RNF38: variants seen among roughly 807,000 people sequenced by gnomAD.
RNF38 encodes the protein ring finger protein 38, also known as E3 ubiquitin-protein ligase RNF38.
In RNF38, 15 loss-of-function variants were observed where a neutral mutation model predicts 67.2. The observed-to-expected ratio is 0.22, with a 90% CI of 0.15 to 0.34. RNF38 has a LOEUF of 0.34. Among genes scored for constraint, RNF38 ranks in the 10% least tolerant of loss-of-function variants. The probability of loss-of-function intolerance (pLI) is 1.00; values close to 1 mark genes in which losing one functional copy is unlikely to be tolerated. For missense variants in RNF38, 524 were observed against 639.9 expected, an observed-to-expected ratio of 0.82 and a Z score of 1.95; for synonymous variants, 220 against 218.8, an observed-to-expected ratio of 1.01 and a Z score of -0.05.
chr9:36,471,250 T>C (rs981484167), intron 1 of RNF38, among the ~76,000 whole-genome samples: 6 of 152,214 alleles, frequency 3.9e-5, no homozygotes, highest in African/African-American at 1.2e-4. Context: ...TAAAGCAATC[T>C]TGGAATTAAA....
At chr9:36,374,190 A>G (rs1835606615) in intron 3 of RNF38, among the ~76,000 whole-genome samples, 1 of 152,224 alleles carries the variant, frequency 6.6e-6, no homozygotes, top group East Asian at 1.9e-4. Context: ...GGGTAATGTA[A>G]AAGTCTTAAT....
At chr9:36,349,451 C>T (rs1311862926) in intron 9 of RNF38, among the ~76,000 whole-genome samples, 1 of 152,172 alleles carries the variant, frequency 6.6e-6, no homozygotes, top group Non-Finnish European at 1.5e-5. Flanking sequence ...TCAGGTCCTC[C>T]ACCCATTTTT....
chr9:36,368,936 G>A (rs1228070875), intron 4 of RNF38, among the ~76,000 whole-genome samples: 1 of 151,112 alleles, frequency 6.6e-6, no homozygotes, highest in South Asian at 2.1e-4. Flanking sequence ...CCATAAAATT[G>A]TGGTCTTCAT....
intron 1 of RNF38, among the ~76,000 whole-genome samples, chr9:36,479,496 A>G (rs1029698829): frequency 6.6e-6 from 1 of 152,210 alleles, no homozygotes; most frequent in Non-Finnish European, 1.5e-5. Context: ...ATCTTGGCAG[A>G]TGGGCACAAT....
chr9:36,382,617 C>T (rs922653662), intron 2 of RNF38, among the ~76,000 whole-genome samples: 4 of 152,144 alleles, frequency 2.6e-5, no homozygotes, highest in Non-Finnish European at 5.9e-5. Context: ...AAAACAGAAA[C>T]AGGTTTCAAG....
At chr9:36,475,816 G>C (rs557611088) in intron 1 of RNF38, among the ~76,000 whole-genome samples, 28 of 148,856 alleles carry the variant, frequency 1.9e-4, no homozygotes, top group Middle Eastern at 6.8e-3. Flanking sequence ...AGGAGTTCGA[G>C]ACCAACCTGG....
Position 36,369,949 on chromosome 9 carries a change from A to G in RNF38, c.357-17T>C. On this transcript the variant is annotated splice_polypyrimidine_tract_variant and intron_variant, in intron 3 of 11. Transcript: ENST00000259605. ...ACAGGAGGACTGTGATAAATATCAA[A>G]AAGAAAGTCATTATGCTTATTGTGA... The G allele has an allele frequency of 6.3e-7, 1 of 1,598,548 alleles. No individual in the cohort carries two copies. The highest frequency in any genetic ancestry group is 8.6e-7 in the Non-Finnish European group (1 of 1,169,524).
chr9:36,434,727 G>T (rs1318472449), intron 1 of RNF38, among the ~76,000 whole-genome samples: 1 of 152,158 alleles, frequency 6.6e-6, no homozygotes, highest in Non-Finnish European at 1.5e-5. Context: ...AATCCTAAAA[G>T]TACATCTCAC....
chr9:36,449,448 T>A (rs1839384503), intron 1 of RNF38, among the ~76,000 whole-genome samples: 2 of 151,882 alleles, frequency 1.3e-5, no homozygotes, highest in South Asian at 4.2e-4. Flanking sequence ...TTTTTCCTTT[T>A]TTTTTGAGAT....
chr9:36,360,622 C>T (rs1834455229), intron 4 of RNF38, among the ~76,000 whole-genome samples: 1 of 152,138 alleles, frequency 6.6e-6, no homozygotes, highest in Non-Finnish European at 1.5e-5. Flanking sequence ...GGGTGTCCAA[C>T]CTGAATAAGG....
intron 3 of RNF38, among the ~76,000 whole-genome samples, chr9:36,375,267 G>A (rs1039317255): frequency 6.6e-6 from 1 of 152,114 alleles, no homozygotes; most frequent in Non-Finnish European, 1.5e-5. Context: ...CATAGCTAAG[G>A]TTCATTGCAG....
At chr9:36,428,524 G>A (rs922429081) in intron 1 of RNF38, among the ~76,000 whole-genome samples, 4 of 151,682 alleles carry the variant, frequency 2.6e-5, no homozygotes, top group Non-Finnish European at 4.4e-5. Flanking sequence ...CATGTTTTTA[G>A]AGTCAGAGAC....
At chr9:36,371,443 C>CTTTT (rs537986184) in intron 3 of RNF38, among the ~76,000 whole-genome samples, 3 of 131,542 alleles carry the variant, frequency 2.3e-5, no homozygotes, top group Non-Finnish European at 3.3e-5. Context: ...GGACTAAAAG[C>CTTTT]TTTTTTTTTT....
At chr9:36,401,233 C>T (rs1164434865), upstream of RNF38, 12 of 983,768 alleles carry the variant, frequency 1.2e-5, no homozygotes, top group East Asian at 2.3e-4. Context: ...CTGCGCGCGG[C>T]CCGGCGCACG....
intron 4 of RNF38, among the ~76,000 whole-genome samples, chr9:36,364,236 G>A (rs548286890): frequency 9.9e-5 from 15 of 152,080 alleles, no homozygotes; most frequent in African/African-American, 3.6e-4. Flanking sequence ...GAAAACCACA[G>A]GGATGAAGAC....
chr9:36,398,737 A>C (rs1457640104), intron 1 of RNF38, among the ~76,000 whole-genome samples: 1 of 152,224 alleles, frequency 6.6e-6, no homozygotes, highest in Admixed American at 6.5e-5. Flanking sequence ...ACACAACGCA[A>C]CAATCAAGAC....
intron 1 of RNF38, among the ~76,000 whole-genome samples, chr9:36,399,489 AT>A (rs1837822302): frequency 2.5e-5 from 2 of 81,084 alleles, no homozygotes; most frequent in East Asian, 6.2e-4. Context: ...TTATAAATAT[AT>A]ATAATATATT....
rs1344301434 is a variant in RNF38, at chr9:36,376,058, G to A, written c.232C>T (p.Pro78Ser). The part of the protein sequence containing the change: ...HSVFDYTSAS[P>S]APSPPMRPWE... ...GGTCGCATTGGTGGTGAGGGAGCTG[G>A]TGATGCTGATGTATAATCAAAGACT... is the stretch of plus-strand genomic sequence containing the variant. The change falls in exon 3 of 12, where the codon CCA becomes TCA. Residue 78 changes from proline (P) to serine (S), a missense_variant. Physicochemically the swap from Pro to Ser is moderately conservative, Grantham distance 74 (BLOSUM62 -1). Coordinates refer to ENST00000259605, the MANE Select transcript of RNF38 (RefSeq NM_022781.5). 1 of 1,613,578 alleles carries A rather than the reference G, an allele frequency of 6.2e-7. No individual in the cohort carries two copies. The highest frequency in any genetic ancestry group is 1.1e-5 in the South Asian group (1 of 90,898).
chr9:36,402,360 CT>C (rs1435367105), upstream of RNF38, among the ~76,000 whole-genome samples: 1 of 152,114 alleles, frequency 6.6e-6, no homozygotes, highest in East Asian at 1.9e-4. Context: ...GTTTGTTTCA[CT>C]TCAAGGTAAA....
Sources: allele counts gnomAD v4.1 joint callset (sites outside exome capture counted in the v4.1 genomes callset), GRCh38; gene constraint gnomAD v4.1.1; transcripts MANE v1.5; gene names NCBI Gene and HGNC (gene_info 2026-07-23, HGNC 2026-07-21).